The following TGFBR1 variants were observed in gnomAD, a reference collection of about 807,000 sequenced individuals.
The protein encoded by TGFBR1 is TGF-beta receptor type-1.
A neutral mutation model predicts 55.1 loss-of-function variants in TGFBR1; 20 were observed. The ratio of observed to expected loss-of-function variants is 0.36; its 90% CI spans 0.26 to 0.53. The LOEUF is 0.53. Among genes scored for constraint, TGFBR1 ranks in the 20% least tolerant of loss-of-function variants. The pLI is 0.91. For synonymous variants in TGFBR1, 220 were observed against 214.8 expected, an observed-to-expected ratio of 1.02 and a Z score of -0.21; for missense variants, 385 against 617.6, an observed-to-expected ratio of 0.62 and a Z score of 3.99.
intron 3 of TGFBR1, among the ~76,000 whole-genome samples, chr9:99,134,616 G>C (rs1305574073): frequency 1.3e-5 from 2 of 151,476 alleles, no homozygotes; most frequent in Admixed American, 1.3e-4. Flanking sequence ...CCTCAAACCT[G>C]TTCTCTTGTT....
At chr9:99,115,263 A>AC (rs1346290041) in intron 1 of TGFBR1, among the ~76,000 whole-genome samples, 1 of 151,448 alleles carries the variant, frequency 6.6e-6, no homozygotes, top group Non-Finnish European at 1.5e-5. Flanking sequence ...CCAAGACTGA[A>AC]CCTCCTTATT....
chr9:99,123,073 A>G (rs768338802), intron 1 of TGFBR1, among the ~76,000 whole-genome samples: 2 of 152,282 alleles, frequency 1.3e-5, no homozygotes, highest in East Asian at 1.9e-4. Flanking sequence ...AAGATGTCTC[A>G]TTATGTATAT....
chr9:99,139,562 T>C (rs1398133436), intron 4 of TGFBR1, among the ~76,000 whole-genome samples: 1 of 152,228 alleles, frequency 6.6e-6, no homozygotes, highest in South Asian at 2.1e-4. Flanking sequence ...AACTGTGTTA[T>C]TTGAAGCTGG....
chr9:99,124,015 A>G (rs985883822), intron 1 of TGFBR1, among the ~76,000 whole-genome samples: 17 of 152,184 alleles, frequency 1.1e-4, no homozygotes, highest in Admixed American at 2.6e-4. Flanking sequence ...CATCTTGAAC[A>G]ATTTAAATTT....
intron 4 of TGFBR1, among the ~76,000 whole-genome samples, chr9:99,140,422 C>T (rs1209304129): frequency 3.3e-5 from 5 of 152,032 alleles, no homozygotes; most frequent in Admixed American, 1.3e-4. Flanking sequence ...CACCACTGCA[C>T]TCCAGCCTGG....
chr9:99,134,502 CA>C (rs1224856172), intron 3 of TGFBR1, among the ~76,000 whole-genome samples: 1 of 152,064 alleles, frequency 6.6e-6, no homozygotes, highest in Non-Finnish European at 1.5e-5. Flanking sequence ...TTCAGATCTT[CA>C]AAAAGATTTT....
intron 5 of TGFBR1, among the ~76,000 whole-genome samples, chr9:99,143,257 T>A (rs1000860730): frequency 6.6e-6 from 1 of 152,206 alleles, no homozygotes; most frequent in Admixed American, 6.5e-5. Flanking sequence ...TTCAATCTTA[T>A]GATTTTTGAG....
chr9:99,149,811 A>G lies in TGFBR1; in HGVS notation c.*506A>G. The G allele has an allele frequency of 4.4e-6, 1 of 227,874 alleles. No individual in the cohort carries two copies. The allele number at this position is 227,874 out of a possible 1,614,324, so 14.1% of individuals were successfully genotyped here. ...GGATCTTAAAACTAACACTTATAAA[A>G]CTCTTATCTTGAGTCTAAAAATGAC... is the stretch of plus-strand genomic sequence containing the variant. On this transcript the variant is annotated 3_prime_UTR_variant, in exon 9 of 9. Coordinates refer to ENST00000374994, the MANE Select transcript of TGFBR1 (RefSeq NM_004612.4).
chr9:99,104,815 G>C (rs368151277), upstream of TGFBR1, among the ~76,000 whole-genome samples: 1 of 152,176 alleles, frequency 6.6e-6, no homozygotes, highest in South Asian at 2.1e-4. Flanking sequence ...GCCCTCCGGG[G>C]CTAGCGGCTG....
In TGFBR1 at chr9:99,149,869, A is replaced by G. The variant is rs866132758; in HGVS notation, c.*564A>G. On this transcript the variant is annotated 3_prime_UTR_variant, in exon 9 of 9. Coordinates refer to ENST00000374994, the MANE Select transcript of TGFBR1 (RefSeq NM_004612.4). ...AGTAGTGAGGAACATAATTCATGCA[A>G]TTGTATTTTGTATACTATTATTGTT... 5 of 213,344 alleles carry G rather than the reference A, an allele frequency of 2.3e-5. No individual in the cohort carries two copies. Among genetic ancestry groups the G allele is most frequent in the Non-Finnish European group, 3.8e-5 (4 of 105,264 alleles). The allele number at this position is 213,344 out of a possible 1,614,324, so 13.2% of individuals were successfully genotyped here. A position where few individuals can be genotyped will look rare whatever the true frequency, so the allele number is the denominator to read the frequency against.
In TGFBR1 at chr9:99,142,537, C is replaced by T. The variant is rs1827645135; in HGVS notation, c.807C>T (p.Asp269=). ...CGAAATGTTAATTCTGTTTTACAGACAATGGTACTTGGACTCAGCTCTGGT... is the reference window on the plus strand; with the variant it reads ...CGAAATGTTAATTCTGTTTTACAGATAATGGTACTTGGACTCAGCTCTGGT... ...ILGFIAADNK[D]NGTWTQLWLV... Residue 269 remains aspartate, a splice_region_variant and synonymous_variant, in exon 5 of 9, where the codon GAC becomes GAT. Transcript: ENST00000374994. 1 of 1,613,868 alleles carries T rather than the reference C, an allele frequency of 6.2e-7. No individual in the cohort carries two copies. The highest frequency in any genetic ancestry group is 8.5e-7 in the Non-Finnish European group (1 of 1,179,906).
intron 1 of TGFBR1, among the ~76,000 whole-genome samples, chr9:99,112,492 T>C (rs1000041498): frequency 7.2e-5 from 11 of 152,248 alleles, no homozygotes; most frequent in African/African-American, 2.7e-4. Context: ...TATGTACTTA[T>C]TTACTGTTTA....
rs1270255995 is a variant in TGFBR1, at chr9:99,152,415, T to C, written c.*3110T>C. 4.4e-6 allele frequency: 1 copy of C among 228,104 alleles called. No individual in the cohort carries two copies. Among genetic ancestry groups the C allele is most frequent in the Non-Finnish European group, 8.7e-6 (1 of 114,466 alleles). 14.1% of individuals were successfully genotyped at this position (228,104 alleles called of 1,614,324 possible). On this transcript the variant is annotated 3_prime_UTR_variant, in exon 9 of 9. Transcript: ENST00000374994. Reference sequence around the variant, plus strand: ...TGAGCCTGTAATTCTGCTGTAATAATGATAGTGCTCAAGAAGTGCCTTGAG... The same window carrying C: ...TGAGCCTGTAATTCTGCTGTAATAACGATAGTGCTCAAGAAGTGCCTTGAG...
chr9:99,122,378 T>A (rs149282683), intron 1 of TGFBR1, among the ~76,000 whole-genome samples: 3 of 152,144 alleles, frequency 2.0e-5, no homozygotes, highest in Non-Finnish European at 1.5e-5. Context: ...GCAAGACATA[T>A]GGGCTTGTGA....
chr9:99,118,798 C>T (rs1271955081), intron 1 of TGFBR1, among the ~76,000 whole-genome samples: 1 of 151,934 alleles, frequency 6.6e-6, no homozygotes, highest in Non-Finnish European at 1.5e-5. Context: ...AGGTGCGTGC[C>T]ACCACACCTG....
intron 1 of TGFBR1, among the ~76,000 whole-genome samples, chr9:99,122,213 A>G (rs1409126633): frequency 6.6e-6 from 1 of 152,114 alleles, no homozygotes; most frequent in Non-Finnish European, 1.5e-5. Context: ...AAGCGTATGC[A>G]TAAAAAGACT....
intron 1 of TGFBR1, among the ~76,000 whole-genome samples, chr9:99,106,535 G>A (rs745684609): frequency 2.7e-4 from 41 of 152,246 alleles, no homozygotes; most frequent in Admixed American, 4.6e-4. Context: ...ATACACTATT[G>A]TATAATTACA....
chr9:99,139,194 T>A (rs548711096), intron 4 of TGFBR1, among the ~76,000 whole-genome samples: 2 of 150,774 alleles, frequency 1.3e-5, no homozygotes, highest in South Asian at 4.3e-4. Context: ...CCAGCTTTCC[T>A]ATTTAAAAAA....
chr9:99,129,186 A>G lies in TGFBR1; in HGVS notation c.343+86A>G, dbSNP rs1827137392. ...TTTAGAACTGGAAGGGATCATAAAA[A>G]TTGTCTAATCCAGCTCATTCCGTTT... On this transcript the variant is annotated intron_variant, in intron 2 of 8. Coordinates refer to ENST00000374994, the MANE Select transcript of TGFBR1 (RefSeq NM_004612.4). 6.8e-6 allele frequency: 10 copies of G among 1,479,874 alleles called. No individual in the cohort carries two copies. In the South Asian group the frequency reaches 9.3e-5, roughly 14 times the overall value. The allele number at this position is 1,479,874 out of a possible 1,614,324, so 91.7% of individuals were successfully genotyped here. A position where few individuals can be genotyped will look rare whatever the true frequency, so the allele number is the denominator to read the frequency against.
Sources: gnomAD v4.1 joint callset for allele counts (sites outside exome capture counted in the v4.1 genomes callset) on GRCh38, gnomAD v4.1.1 for gene constraint, MANE v1.5 for transcripts, NCBI Gene and HGNC (gene_info 2026-07-23, HGNC 2026-07-21) for gene names.